The following NUP54 variants were observed in gnomAD, a reference collection of about 807,000 sequenced individuals.
NUP54 encodes nucleoporin p54.
NUP54 carries 27 observed loss-of-function variants against 66.4 expected under a neutral mutation model. The ratio of observed to expected loss-of-function variants is 0.41; its 90% confidence interval spans 0.30 to 0.56. NUP54 has a LOEUF of 0.56. Ranked by LOEUF, NUP54 falls within the 20% of genes least tolerant of loss-of-function variation. The pLI is 0.34. For synonymous variants in NUP54, 206 were observed against 210.7 expected, an observed-to-expected ratio of 0.98 and a Z score of 0.19; for missense variants, 486 against 596.3, an observed-to-expected ratio of 0.82 and a Z score of 1.93.
chr4:76,143,802 C>A (rs904106601), intron 3 of NUP54, among the ~76,000 whole-genome samples: 7 of 152,100 alleles, frequency 4.6e-5, no homozygotes, highest in African/African-American at 1.7e-4. Context: ...AACTGGCTGG[C>A]CAGGAACCAT....
rs138817060 is a variant in NUP54 at position 76,141,821 on chromosome 4, C to T, written c.295+2328G>A. Among the ~76,000 whole-genome samples, 30 of 152,250 alleles carry T rather than the reference C, an allele frequency of 2.0e-4. No individual in the cohort carries two copies. The East Asian group carries it at 5.4e-3, about 27-fold the overall frequency. ...GCTCCTTAGTAAAACATATAAGGCA[C>T]GCTAATAATCCAATTCATATCTATC... On this transcript the variant is annotated intron_variant, in intron 3 of 11. Coordinates refer to ENST00000264883, the MANE Select transcript of NUP54 (RefSeq NM_017426.4).
In NUP54 at chr4:76,129,236, T is replaced by C. The variant is rs557258220; in HGVS notation, c.1056+1420A>G. 3.3e-5 allele frequency among the ~76,000 whole-genome samples: 5 copies of C among 152,176 alleles called. No homozygotes were observed. The East Asian group carries it at 9.6e-4, about 29-fold the overall frequency. ...TTAAAAACAATAAAAGAAAAGGCCA[T>C]TAGAGAAGATTTAAAACTTACCGAG... On this transcript the variant is annotated intron_variant, in intron 8 of 11. Transcript: ENST00000264883.
chr4:76,124,633 A>T lies in NUP54; in HGVS notation c.1164+16T>A. On this transcript the variant is annotated intron_variant, in intron 9 of 11. Transcript: ENST00000264883. ...ATAGTCTTATAAACACTGGGGGGGA[A>T]AATCCAAATTACTACCTGTAAAGTT... 1.6e-6 allele frequency: 2 copies of T among 1,286,948 alleles called. No homozygotes were observed. Among genetic ancestry groups the T allele is most frequent in the South Asian group, 1.2e-5 (1 of 82,300 alleles). 79.7% of individuals were successfully genotyped at this position (1,286,948 alleles called of 1,614,324 possible).
chr4:76,120,522 C>T (rs1730188226), intron 9 of NUP54, among the ~76,000 whole-genome samples: 1 of 151,174 alleles, frequency 6.6e-6, no homozygotes, highest in Non-Finnish European at 1.5e-5. Flanking sequence ...CTCCACCTCC[C>T]AGGTTCAAGC....
intron 9 of NUP54, among the ~76,000 whole-genome samples, chr4:76,120,209 A>G (rs1255936125): frequency 6.6e-6 from 1 of 152,170 alleles, no homozygotes; most frequent in African/African-American, 2.4e-5. Context: ...TTTGGTGCAT[A>G]TATCTATTTA....
chr4:76,145,450 A>G (rs535405789), intron 1 of NUP54: 39 of 431,742 alleles, frequency 9.0e-5, no homozygotes, highest in African/African-American at 8.3e-4. Flanking sequence ...CCAGTTAGCA[A>G]CCTTGGTTTT....
chr4:76,135,030 T>C (rs1185639303), intron 4 of NUP54, among the ~76,000 whole-genome samples: 2 of 150,958 alleles, frequency 1.3e-5, no homozygotes, highest in Non-Finnish European at 2.9e-5. Context: ...ATGTAACCCA[T>C]AATAAGTTGA....
At chr4:76,146,136 G>C (rs774933885) in intron 1 of NUP54, 1 of 446,558 alleles carries the variant, frequency 2.2e-6, no homozygotes, top group South Asian at 1.6e-5. Context: ...AGATCTGCAA[G>C]TATACAAAAT....
rs1258361060 is a variant in NUP54, at chr4:76,119,536, T to G, written c.1165-1342A>C. Among the ~76,000 whole-genome samples, 3 of 115,306 alleles carry G rather than the reference T, an allele frequency of 2.6e-5. No individual in the cohort carries two copies. In the South Asian group the frequency reaches 8.6e-4, roughly 33 times the overall value. 75.6% of individuals were successfully genotyped at this position (115,306 alleles called of 152,430 possible). On this transcript the variant is annotated intron_variant, in intron 9 of 11. Transcript: ENST00000264883. ...TGCTCACCACCATGCCTGGCTAATT[T>G]TTTTTCTTTTTTTTTTTTTTTAGTA...
intron 10 of NUP54, 54 bp downstream of exon 10, chr4:76,118,021 G>C (rs6813732): frequency 0.14 from 226,329 of 1,563,184 alleles, 17,913 homozygotes; most frequent in East Asian, 0.35. Context: ...ATAACTTTTT[G>C]TCTGCAGATC....
At chr4:76,125,528 A>G (rs1730444707) in intron 8 of NUP54, among the ~76,000 whole-genome samples, 1 of 144,236 alleles carries the variant, frequency 6.9e-6, no homozygotes, top group African/African-American at 2.6e-5. Flanking sequence ...CCAGCTCCTT[A>G]GGAGGCTGAG....
chr4:76,118,981 G>C (rs575022578), intron 9 of NUP54, among the ~76,000 whole-genome samples: 1 of 151,970 alleles, frequency 6.6e-6, no homozygotes, highest in Non-Finnish European at 1.5e-5. Context: ...ACTCCAGCCT[G>C]GGCAACAGAG....
intron 8 of NUP54, among the ~76,000 whole-genome samples, chr4:76,125,050 G>T (rs957542734): frequency 1.3e-5 from 2 of 152,034 alleles, no homozygotes; most frequent in Non-Finnish European, 2.9e-5. Context: ...ACCACTTTGG[G>T]AGGACGAGGC....
intron 3 of NUP54, among the ~76,000 whole-genome samples, chr4:76,143,164 T>C (rs1188233725): frequency 2.0e-5 from 3 of 151,942 alleles, no homozygotes; most frequent in South Asian, 2.1e-4. Flanking sequence ...ACAAAATATA[T>C]ATATGTACGC....
intron 1 of NUP54, chr4:76,147,704 GC>G (rs1264765114): frequency 1.1e-5 from 13 of 1,171,576 alleles, no homozygotes; most frequent in Non-Finnish European, 4.5e-6. Context: ...AGAAAAGAAA[GC>G]AAGATAAGGA....
At chr4:76,137,722 G>A (rs976063966) in intron 3 of NUP54, among the ~76,000 whole-genome samples, 2 of 152,190 alleles carry the variant, frequency 1.3e-5, no homozygotes, top group African/African-American at 4.8e-5. Context: ...CAAAGTGTGA[G>A]ATAAGTATGT....
Position 76,115,106 on chromosome 4 carries a change from C to T in NUP54, c.*260G>A, listed in dbSNP as rs1729890228. On this transcript the variant is annotated 3_prime_UTR_variant, in exon 12 of 12. Coordinates refer to ENST00000264883, the MANE Select transcript of NUP54 (RefSeq NM_017426.4). ...GCTGTTGTAAAAATGTACAATAGTACATACAATTTTGGTAATTATGCACTT... is the reference window on the plus strand; with the variant it reads ...GCTGTTGTAAAAATGTACAATAGTATATACAATTTTGGTAATTATGCACTT... 2 of 303,816 alleles carry T rather than the reference C, an allele frequency of 6.6e-6. No individual in the cohort carries two copies. Among genetic ancestry groups the T allele is most frequent in the East Asian group, 6.6e-5 (1 of 15,252 alleles). The allele number at this position is 303,816 out of a possible 1,614,324, so 18.8% of individuals were successfully genotyped here.
chr4:76,124,691 T>C lies in NUP54; in HGVS notation c.1122A>G (p.Gln374=), dbSNP rs1730387007. 6.2e-7 allele frequency: 1 copy of C among 1,605,594 alleles called. No individual in the cohort carries two copies. Among genetic ancestry groups the C allele is most frequent in the Non-Finnish European group, 8.5e-7 (1 of 1,173,904 alleles). ...AAAGATCCATGAGTTTCCTCTTGTATTGTGCAATTTTGGCTACAGATGTAG... is the reference window on the plus strand; with the variant it reads ...AAAGATCCATGAGTTTCCTCTTGTACTGTGCAATTTTGGCTACAGATGTAG... The part of the protein sequence containing the change: ...NQTTSVAKIA[Q]YKRKLMDLSH... The change falls in exon 9 of 12, where the codon CAA becomes CAG. Residue 374 remains glutamine, a synonymous_variant. Transcript: ENST00000264883.
chr4:76,116,820 C>G (rs1393298809), intron 11 of NUP54, among the ~76,000 whole-genome samples: 1 of 152,098 alleles, frequency 6.6e-6, no homozygotes, highest in African/African-American at 2.4e-5. Context: ...CGGCTACTAC[C>G]TACACTTTAA....
Sources: gnomAD v4.1 joint callset for allele counts (sites outside exome capture counted in the v4.1 genomes callset) on GRCh38, gnomAD v4.1.1 for gene constraint, MANE v1.5 for transcripts, NCBI Gene and HGNC (gene_info 2026-07-23, HGNC 2026-07-21) for gene names.